Variants in MSR1 observed in about 807,000 individuals in gnomAD.
The protein encoded by MSR1 is macrophage scavenger receptor 1, also known as macrophage scavenger receptor types I and II.
In MSR1, 53 loss-of-function variants were observed where a neutral mutation model predicts 47.2. The observed-to-expected ratio is 1.12, with a 90% confidence interval of 0.90 to 1.41. MSR1 has a LOEUF of 1.41. Among genes scored for constraint, MSR1 ranks in the 40% most tolerant of loss-of-function variants. MSR1 has a pLI of 0.00. For missense variants in MSR1, 786 were observed against 546.9 expected (o/e 1.44, Z -4.36); for synonymous variants, 239 against 185.6 (o/e 1.29, Z -2.34).
intron 1 of MSR1, among the ~76,000 whole-genome samples, chr8:16,182,416 G>A (rs1284986976): frequency 6.6e-6 from 1 of 152,046 alleles, no homozygotes; most frequent in Admixed American, 6.6e-5. Flanking sequence ...ATTAGCCTTA[G>A]TTTACAGTAC....
At chr8:16,140,689 A>G (rs1744487659) in intron 8 of MSR1, 2 of 1,318,606 alleles carry the variant, frequency 1.5e-6, no homozygotes, top group Admixed American at 3.6e-5. Flanking sequence ...AATGGGTGGC[A>G]GAGAACTGAG....
At chr8:16,191,320 A>G (rs946659793) in intron 1 of MSR1, among the ~76,000 whole-genome samples, 11 of 152,210 alleles carry the variant, frequency 7.2e-5, no homozygotes, top group Non-Finnish European at 1.5e-4. Flanking sequence ...TCTAGATTTG[A>G]GTATTGACTG....
chr8:16,110,311 C>G, intron 9 of MSR1, 93 bp from the exon 10 acceptor site: 1 of 1,396,090 alleles, frequency 7.2e-7, no homozygotes, highest in Non-Finnish European at 1.0e-6. Context: ...ACTAATTAAA[C>G]AAAAAAGTGT....
intron 8 of MSR1, among the ~76,000 whole-genome samples, chr8:16,137,993 T>C (rs1800432911): frequency 6.9e-6 from 1 of 145,788 alleles, no homozygotes; most frequent in Non-Finnish European, 1.5e-5. Context: ...CTCTGTCTCT[T>C]AAAAAAAGAT....
intron 7 of MSR1, among the ~76,000 whole-genome samples, chr8:16,149,378 C>G (rs28718429): frequency 0.028 from 4,244 of 151,952 alleles, 228 homozygotes; most frequent in African/African-American, 0.098. Context: ...ATGATAGGGA[C>G]CCTATTCCTT....
intron 4 of MSR1, among the ~76,000 whole-genome samples, chr8:16,167,015 T>C (rs1801332946): frequency 1.3e-5 from 2 of 151,988 alleles, no homozygotes; most frequent in Admixed American, 1.3e-4. Flanking sequence ...TGTGAGTGAC[T>C]ACTGTTTTTA....
chr8:16,152,058 A>T (rs896676232), intron 6 of MSR1, among the ~76,000 whole-genome samples: 2 of 152,092 alleles, frequency 1.3e-5, no homozygotes, highest in African/African-American at 2.4e-5. Context: ...CTACTTTGTA[A>T]ATGTTAGCTT....
chr8:16,139,849 T>C, intron 8 of MSR1: 1 of 355,516 alleles, frequency 2.8e-6, no homozygotes, highest in Non-Finnish European at 3.6e-6. Flanking sequence ...AATAAGAAGA[T>C]GAGAAGGTAA....
intron 8 of MSR1, among the ~76,000 whole-genome samples, chr8:16,124,017 G>C (rs1408800090): frequency 6.6e-6 from 1 of 152,058 alleles, no homozygotes; most frequent in Non-Finnish European, 1.5e-5. Flanking sequence ...TTTCTTTCTT[G>C]ATGACAGTTA....
intron 1 of MSR1, among the ~76,000 whole-genome samples, chr8:16,180,795 A>C (rs1244255937): frequency 6.6e-6 from 1 of 152,132 alleles, no homozygotes; most frequent in African/African-American, 2.4e-5. Context: ...TTTATTTGGA[A>C]GTTTGCAGTG....
intron 8 of MSR1, among the ~76,000 whole-genome samples, chr8:16,122,351 T>C (rs1800024236): frequency 6.6e-6 from 1 of 152,168 alleles, no homozygotes; most frequent in Admixed American, 6.5e-5. Flanking sequence ...CATGTTTTAT[T>C]AACTAGTGTG....
At chr8:16,144,627 G>A (rs1337653262) in intron 7 of MSR1, among the ~76,000 whole-genome samples, 4 of 151,876 alleles carry the variant, frequency 2.6e-5, no homozygotes, top group Non-Finnish European at 5.9e-5. Flanking sequence ...ATGTGACTTG[G>A]GACAAGTCTT....
At chr8:16,189,217 T>C (rs544360781) in intron 1 of MSR1, among the ~76,000 whole-genome samples, 118 of 142,416 alleles carry the variant, frequency 8.3e-4, no homozygotes, top group African/African-American at 1.6e-3. Flanking sequence ...ATATATTTCA[T>C]ATATGTAAAA....
rs974459808 is a variant in MSR1, at chr8:16,138,623, G to A, written c.1033+4935C>T. Reference sequence around the variant, plus strand: ...ATTGTCTCCCAGCATCTCTGGGACCGAGGCCATCGTGTGGCTGATGTAGAC... The same window carrying A: ...ATTGTCTCCCAGCATCTCTGGGACCAAGGCCATCGTGTGGCTGATGTAGAC... On this transcript the variant is annotated intron_variant, in intron 8 of 9. Coordinates refer to ENST00000262101, the MANE Select transcript of MSR1 (RefSeq NM_138715.3). Among the ~76,000 whole-genome samples the A allele has an allele frequency of 9.2e-5, 14 of 152,084 alleles. 1 individual carries two copies. The South Asian group carries it at 2.1e-3, about 23-fold the overall frequency.
Position 16,168,771 on chromosome 8 carries a change from T to C in MSR1, c.317A>G (p.Glu106Gly). Residue 106 changes from glutamate to glycine, a missense_variant, in exon 4 of 10, where the codon GAG becomes GGG. By Grantham distance (98) the Glu-to-Gly change is moderately conservative. Transcript: ENST00000262101. ...AAAGACTTCTTGAAATCTCATTTCC[T>C]CTTCGCTGTCATTTCCTTTTCCCGT... ...SLTGKGNDSEEEMRFQEVFME... is the reference protein window; with the variant it reads ...SLTGKGNDSEGEMRFQEVFME... 6.2e-7 allele frequency: 1 copy of C among 1,614,184 alleles called. No individual in the cohort carries two copies. Among genetic ancestry groups the C allele is most frequent in the Non-Finnish European group, 8.5e-7 (1 of 1,180,024 alleles).
intron 4 of MSR1, among the ~76,000 whole-genome samples, chr8:16,165,697 G>A (rs967514550): frequency 6.6e-6 from 1 of 152,082 alleles, no homozygotes; most frequent in Non-Finnish European, 1.5e-5. Flanking sequence ...CTCTTGAGCT[G>A]GACTAGACTA....
chr8:16,186,193 C>A lies in MSR1; in HGVS notation c.-5+6405G>T, dbSNP rs948163747. ...TTGAGAAGAGAGATACTGATGATTG[C>A]ACTGAGATAGCACATCCAGGGGAGT... On this transcript the variant is annotated intron_variant, in intron 1 of 9. Coordinates refer to ENST00000262101, the MANE Select transcript of MSR1 (RefSeq NM_138715.3). 8 of 1,535,268 alleles carry A rather than the reference C, an allele frequency of 5.2e-6. No individual in the cohort carries two copies. The African/African-American group carries it at 1.1e-4, about 21-fold the overall frequency.
intron 8 of MSR1, among the ~76,000 whole-genome samples, chr8:16,129,424 C>G (rs1024027110): frequency 6.6e-6 from 1 of 152,068 alleles, no homozygotes; most frequent in African/African-American, 2.4e-5. Context: ...AACAAGCCAA[C>G]TGTGTCGTTC....
chr8:16,109,687 G>A lies in MSR1; in HGVS notation c.*398C>T. 1 of 197,624 alleles carries A rather than the reference G, an allele frequency of 5.1e-6. No individual in the cohort carries two copies. The highest frequency in any genetic ancestry group is 9.1e-5 in the South Asian group (1 of 11,012). The allele number at this position is 197,624 out of a possible 1,614,324, so 12.2% of individuals were successfully genotyped here. On this transcript the variant is annotated 3_prime_UTR_variant, in exon 10 of 10. Coordinates refer to ENST00000262101, the MANE Select transcript of MSR1 (RefSeq NM_138715.3). ...TCTGATCCCTTCCGTTATTCAGAAA[G>A]TAATTAAAATCAACTAAATAGATTA...
Sources: allele counts gnomAD v4.1 joint callset (sites outside exome capture counted in the v4.1 genomes callset), GRCh38; gene constraint gnomAD v4.1.1; transcripts MANE v1.5; gene names NCBI Gene and HGNC (gene_info 2026-07-23, HGNC 2026-07-21).